The following BCAT1 variants were observed in gnomAD, a reference collection of about 807,000 sequenced individuals.
The protein encoded by BCAT1 is branched chain amino acid transaminase 1, also known as branched-chain-amino-acid aminotransferase, cytosolic.
In BCAT1, 48 loss-of-function variants were observed where a neutral mutation model predicts 52.4. The observed-to-expected ratio is 0.92, with a 90% CI of 0.73 to 1.16. The LOEUF is 1.16. BCAT1 is among the 50% of genes most tolerant of loss of function. BCAT1 has a pLI of 0.00. For synonymous variants in BCAT1, 167 were observed against 161.3 expected (o/e 1.04, Z -0.27); for missense variants, 451 against 457.1 (o/e 0.99, Z 0.12).
At chr12:24,841,675 G>C (rs1051730616) in intron 7 of BCAT1, among the ~76,000 whole-genome samples, 1 of 152,120 alleles carries the variant, frequency 6.6e-6, no homozygotes, top group Non-Finnish European at 1.5e-5. Context: ...GGCCAAGGCC[G>C]GTGGATCACC....
intron 1 of BCAT1, among the ~76,000 whole-genome samples, chr12:24,913,908 T>C (rs575259574): frequency 6.6e-6 from 1 of 151,708 alleles, no homozygotes; most frequent in Admixed American, 6.6e-5. Flanking sequence ...GAAGTTAGAG[T>C]ACTATTTTTA....
chr12:24,851,864 T>C (rs1941524347), intron 5 of BCAT1, among the ~76,000 whole-genome samples: 1 of 152,148 alleles, frequency 6.6e-6, no homozygotes, highest in Non-Finnish European at 1.5e-5. Context: ...ACCTCTCAGT[T>C]AAGAAATGAC....
At chr12:24,921,566 T>C (rs1396918270) in intron 1 of BCAT1, among the ~76,000 whole-genome samples, 1 of 152,208 alleles carries the variant, frequency 6.6e-6, no homozygotes, top group Non-Finnish European at 1.5e-5. Flanking sequence ...GCCCAATATA[T>C]GCCAGTCTCA....
Position 24,901,877 on chromosome 12 carries a change from A to G in BCAT1, c.15T>C (p.Ser5=). The stretch of plus-strand genomic sequence containing the variant: ...CGGTACACTCTGCGGAGCATCCGTT[A>G]CTGCAATCCTTAAAGAAGAATTAAA... MKDC[S]NGCSAECTGE... The change falls in exon 2 of 11, where the codon AGT becomes AGC. Residue 5 remains serine (S), a synonymous_variant. Transcript: ENST00000261192. 1 of 1,613,980 alleles carries G rather than the reference A, an allele frequency of 6.2e-7. No homozygotes were observed. Among genetic ancestry groups the G allele is most frequent in the Non-Finnish European group, 8.5e-7 (1 of 1,179,876 alleles).
chr12:24,833,150 T>C (rs181414978), intron 8 of BCAT1, among the ~76,000 whole-genome samples: 6 of 152,340 alleles, frequency 3.9e-5, no homozygotes. Context: ...CTTTTTTGCC[T>C]TCTTATTTGT....
chr12:24,849,412 T>A (rs947855247), intron 6 of BCAT1, among the ~76,000 whole-genome samples: 2 of 152,212 alleles, frequency 1.3e-5, no homozygotes, highest in African/African-American at 4.8e-5. Context: ...TGCTTTTTAA[T>A]GCCAGCCGTC....
intron 2 of BCAT1, among the ~76,000 whole-genome samples, chr12:24,899,458 G>T (rs1943036736): frequency 6.6e-6 from 1 of 151,266 alleles, no homozygotes; most frequent in African/African-American, 2.4e-5. Context: ...TATCTACTGT[G>T]GAAAATGGTA....
chr12:24,902,978 G>C, intron 1 of BCAT1: 8 of 1,492,116 alleles, frequency 5.4e-6, no homozygotes, highest in Non-Finnish European at 7.1e-6. Context: ...GGAGCGAAGC[G>C]GGCTGGCCAT....
intron 3 of BCAT1, among the ~76,000 whole-genome samples, chr12:24,893,967 G>C (rs1429637340): frequency 6.6e-6 from 1 of 152,142 alleles, no homozygotes. Context: ...TAAGAAGAAA[G>C]GTGACTTATT....
At chr12:24,820,397 AAGT>A (rs1205580593) in intron 10 of BCAT1, among the ~76,000 whole-genome samples, 1 of 152,194 alleles carries the variant, frequency 6.6e-6, no homozygotes, top group Non-Finnish European at 1.5e-5. Flanking sequence ...AAATAATTCT[AAGT>A]AGAGATGGCA....
intron 1 of BCAT1, among the ~76,000 whole-genome samples, chr12:24,944,368 C>T (rs1943903063): frequency 1.3e-5 from 2 of 152,188 alleles, no homozygotes; most frequent in African/African-American, 4.8e-5. Context: ...TGGTGGAATG[C>T]TAACAACTGC....
chr12:24,832,806 C>G lies in BCAT1; in HGVS notation c.961G>C (p.Glu321Gln). The stretch of plus-strand genomic sequence containing the variant: ...AACATCTCTCTCACTCTGTTCCCCT[C>G]CAGGGCTGTTGTCAAGTCATCCATG... The part of the protein sequence containing the change: ...LTMDDLTTAL[E>Q]GNRVREMFGS... Residue 321 changes from glutamate to glutamine, a missense_variant, in exon 9 of 11, where the codon GAG (glutamate) becomes CAG (glutamine). Physicochemically the swap from Glu to Gln is conservative, Grantham distance 29 (BLOSUM62 2). Transcript: ENST00000261192. 6.2e-7 allele frequency: 1 copy of G among 1,612,286 alleles called. No individual in the cohort carries two copies. Among genetic ancestry groups the G allele is most frequent in the Middle Eastern group, 1.7e-4 (1 of 6,060 alleles).
chr12:24,843,359 T>C lies in BCAT1; in HGVS notation c.675-1135A>G, dbSNP rs146334608. 2.0e-3 allele frequency among the ~76,000 whole-genome samples: 297 copies of C among 152,274 alleles called. 6 individuals are homozygous for C. Among genetic ancestry groups the C allele is most frequent in the Admixed American group, 0.012 (182 of 15,298 alleles). ...TGGCTTATGTCTGTAATCCTAGCAC[T>C]TTAGGAGCCTAAGATGGGCGGATCA... On this transcript the variant is annotated intron_variant, in intron 6 of 10. Coordinates refer to ENST00000261192, the MANE Select transcript of BCAT1 (RefSeq NM_005504.7).
intron 1 of BCAT1, among the ~76,000 whole-genome samples, chr12:24,912,964 G>T (rs902260007): frequency 6.6e-6 from 1 of 152,146 alleles, no homozygotes; most frequent in African/African-American, 2.4e-5. Context: ...CCTACAGAAC[G>T]AAGACCCAAA....
intron 3 of BCAT1, among the ~76,000 whole-genome samples, chr12:24,889,124 G>A (rs1269915329): frequency 6.6e-6 from 1 of 152,190 alleles, no homozygotes; most frequent in Non-Finnish European, 1.5e-5. Flanking sequence ...CTGCTGGATG[G>A]TCTTTTCCCT....
Position 24,948,950 on chromosome 12 carries a change from G to A in BCAT1, c.-18C>T. Reference sequence around the variant, plus strand: ...ACCTTCATTGTTCCGTCGGCCACGAGGGAAGCTCGAGCTGAGCGGAGGGCA... The same window carrying A: ...ACCTTCATTGTTCCGTCGGCCACGAAGGAAGCTCGAGCTGAGCGGAGGGCA... On this transcript the variant is annotated 5_prime_UTR_variant, in exon 1 of 11. Coordinates refer to ENST00000261192, the MANE Select transcript of BCAT1 (RefSeq NM_005504.7). 1 of 1,593,216 alleles carries A rather than the reference G, an allele frequency of 6.3e-7. No individual in the cohort carries two copies.
intron 2 of BCAT1, among the ~76,000 whole-genome samples, chr12:24,900,825 G>C (rs958633861): frequency 6.6e-6 from 1 of 152,106 alleles, no homozygotes; most frequent in African/African-American, 2.4e-5. Flanking sequence ...CAGCTACTCA[G>C]GAGGCTGAGG....
intron 6 of BCAT1, among the ~76,000 whole-genome samples, chr12:24,843,806 G>C (rs898047498): frequency 6.6e-6 from 1 of 152,060 alleles, no homozygotes; most frequent in Non-Finnish European, 1.5e-5. Flanking sequence ...TAAAGGGTGG[G>C]CATATAACCT....
intron 2 of BCAT1, among the ~76,000 whole-genome samples, chr12:24,897,635 C>T (rs550818309): frequency 1.3e-5 from 2 of 152,180 alleles, no homozygotes; most frequent in Non-Finnish European, 2.9e-5. Flanking sequence ...CTCACTGCAA[C>T]CTCCGCCTCC....
Sources: allele counts gnomAD v4.1 joint callset (sites outside exome capture counted in the v4.1 genomes callset), GRCh38; gene constraint gnomAD v4.1.1; transcripts MANE v1.5; gene names NCBI Gene and HGNC (gene_info 2026-07-23, HGNC 2026-07-21).